Variants in TESPA1 observed in about 807,000 individuals in gnomAD.
The protein encoded by TESPA1 is protein TESPA1.
A neutral mutation model predicts 57.9 loss-of-function variants in TESPA1; 33 were observed. That is an observed-to-expected ratio of 0.57 (90% CI 0.43 to 0.76). TESPA1 has a LOEUF of 0.76. Among genes scored for constraint, TESPA1 ranks in the 30% least tolerant of loss-of-function variants. The pLI is 0.00. For missense variants in TESPA1, 618 were observed against 632.9 expected, an observed-to-expected ratio of 0.98 and a Z score of 0.25; for synonymous variants, 227 against 228.9, an observed-to-expected ratio of 0.99 and a Z score of 0.07.
At chr12:54,968,250 C>T (rs1392812517) in intron 3 of TESPA1, among the ~76,000 whole-genome samples, 1 of 152,164 alleles carries the variant, frequency 6.6e-6, no homozygotes, top group African/African-American at 2.4e-5. Context: ...CAGGCGTTTG[C>T]ATGCCATAAT....
intron 3 of TESPA1, among the ~76,000 whole-genome samples, chr12:54,969,093 T>A (rs7954972): frequency 7.0e-6 from 1 of 141,880 alleles, no homozygotes; most frequent in Non-Finnish European, 1.5e-5. Flanking sequence ...TGCTTGTAAC[T>A]CCTTTCAATA....
At chr12:54,968,926 G>A (rs928036866) in intron 3 of TESPA1, among the ~76,000 whole-genome samples, 3 of 151,450 alleles carry the variant, frequency 2.0e-5, no homozygotes, top group Non-Finnish European at 4.4e-5. Context: ...TCACTTCATG[G>A]CGTGTGTAAC....
At chr12:54,957,431 C>T (rs1463652) in intron 10 of TESPA1, among the ~76,000 whole-genome samples, 80,754 of 152,080 alleles carry the variant, frequency 0.53, 23,771 homozygotes, top group Non-Finnish European at 0.67. Context: ...AATTATCCCA[C>T]TTAGCTCTGC....
chr12:54,979,456 C>G (rs375958180), intron 1 of TESPA1, among the ~76,000 whole-genome samples: 9 of 152,218 alleles, frequency 5.9e-5, no homozygotes, highest in East Asian at 1.9e-4. Context: ...TCATGTCCCC[C>G]CTCTGCTACC....
chr12:54,955,636 T>C (rs1211648688), intron 10 of TESPA1, among the ~76,000 whole-genome samples: 1 of 152,238 alleles, frequency 6.6e-6, no homozygotes, highest in Admixed American at 6.5e-5. Context: ...TGCCTGGCTA[T>C]GTACAAGGGT....
intron 7 of TESPA1, among the ~76,000 whole-genome samples, chr12:54,964,541 A>G (rs1951298680): frequency 1.3e-5 from 2 of 152,232 alleles, no homozygotes; most frequent in African/African-American, 4.8e-5. Context: ...TCTTTATGGT[A>G]TCAACCTGGA....
At chr12:54,981,550 C>A (rs1421114332) in intron 1 of TESPA1, among the ~76,000 whole-genome samples, 1 of 150,960 alleles carries the variant, frequency 6.6e-6, no homozygotes, top group Non-Finnish European at 1.5e-5. Flanking sequence ...TGCACGTGTA[C>A]CCTAGAACTT....
chr12:54,980,626 G>T (rs1052594802), intron 1 of TESPA1, among the ~76,000 whole-genome samples: 6 of 152,188 alleles, frequency 3.9e-5, no homozygotes, highest in Admixed American at 3.9e-4. Flanking sequence ...CTGGTCATGG[G>T]CACTCAGAGG....
At chr12:54,963,378 A>C (rs1951209663) in intron 8 of TESPA1, 136 bp from the exon 9 acceptor site, 3 of 907,246 alleles carry the variant, frequency 3.3e-6, no homozygotes, top group Non-Finnish European at 4.9e-6. Context: ...TCTCCCTTTT[A>C]GATTTCTAAC....
At position 54,974,382 on chromosome 12, in the gene TESPA1, C is replaced by CTGAT; in HGVS notation, c.163+14_163+17dup. 6.3e-7 allele frequency: 1 copy of CTGAT among 1,579,278 alleles called. No individual in the cohort carries two copies. Among genetic ancestry groups the CTGAT allele is most frequent in the Non-Finnish European group, 8.6e-7 (1 of 1,161,918 alleles). On this transcript the variant is annotated intron_variant, in intron 2 of 10. Transcript: ENST00000449076. ...GCCGCCAGACAACATAGACGCCTGT[C>CTGAT]TGATGTTCGTCTCTTACCTTCTTGG...
At chr12:54,963,486 G>A (rs1028511924) in intron 8 of TESPA1, among the ~76,000 whole-genome samples, 6 of 152,194 alleles carry the variant, frequency 3.9e-5, no homozygotes, top group Non-Finnish European at 8.8e-5. Flanking sequence ...TAGACATCAT[G>A]CTGATATGAT....
intron 3 of TESPA1, 109 bp from the exon 4 acceptor site, chr12:54,968,001 A>G (rs952202221): frequency 1.3e-6 from 2 of 1,561,368 alleles, no homozygotes; most frequent in Non-Finnish European, 1.7e-6. Flanking sequence ...GAGAGTCAGT[A>G]GTATTTAATT....
chr12:54,973,946 G>A, intron 2 of TESPA1: 3 of 1,006,144 alleles, frequency 3.0e-6, no homozygotes, highest in Non-Finnish European at 2.4e-6. Flanking sequence ...CCTCAAAGAA[G>A]CTCTGAGAAG....
In TESPA1 at chr12:54,966,475, T is replaced by A. The variant is rs1592370685; in HGVS notation, c.311-51A>T. The A allele has an allele frequency of 1.9e-6, 3 of 1,595,774 alleles. No homozygotes were observed. In the East Asian group the frequency reaches 6.7e-5, roughly 36 times the overall value. The stretch of plus-strand genomic sequence containing the variant: ...AGCAAATTAGAAGGGAAAATGAAAA[T>A]CACCTGTGTTGCCCCTCTGAACCTA... On this transcript the variant is annotated intron_variant, in intron 5 of 10. Transcript: ENST00000449076.
In TESPA1 at chr12:54,962,955, C is replaced by T; in HGVS notation, c.943G>A (p.Val315Ile). 1.2e-6 allele frequency: 2 copies of T among 1,613,674 alleles called. No homozygotes were observed. Among genetic ancestry groups the T allele is most frequent in the South Asian group, 1.1e-5 (1 of 91,056 alleles). ...ACTTTGTCCATCACTTCCAACACAACTTGGTCCAAACTGTTCCTTTTGGGG... is the reference window on the plus strand; with the variant it reads ...ACTTTGTCCATCACTTCCAACACAATTTGGTCCAAACTGTTCCTTTTGGGG... ...NTPKRNSLDQ[V>I]VLEVMDKVKE... The change falls in exon 9 of 11, where the codon GTT (valine) becomes ATT (isoleucine). Residue 315 changes from valine (V) to isoleucine (I), a missense_variant. Physicochemically the swap from Val to Ile is conservative, Grantham distance 29. This residue lies in a region of TESPA1 where 409 missense variants were observed against 420.1 expected (regional missense o/e 0.97). Transcript: ENST00000449076.
chr12:54,967,298 C>T, intron 4 of TESPA1, 62 bp from the exon 5 acceptor site: 1 of 1,556,006 alleles, frequency 6.4e-7, no homozygotes. Flanking sequence ...CATGCACATG[C>T]ACACCCCTGC....
At position 54,950,217 on chromosome 12, in the gene TESPA1, T is replaced by G. The variant is rs1472385950; in HGVS notation, c.*175A>C. 4 of 454,910 alleles carry G rather than the reference T, an allele frequency of 8.8e-6. No homozygotes were observed. The highest frequency in any genetic ancestry group is 1.8e-5 in the Non-Finnish European group (4 of 226,704). 28.2% of individuals were successfully genotyped at this position (454,910 alleles called of 1,614,324 possible). On this transcript the variant is annotated 3_prime_UTR_variant, in exon 11 of 11. Coordinates refer to ENST00000449076, the MANE Select transcript of TESPA1 (RefSeq NM_001136030.3). ...GTGGATTCCAAATCGCTCAGTCTGG[T>G]CTTCCTCCCCATGTACCATGCTGCC... is the stretch of plus-strand genomic sequence containing the variant.
intron 3 of TESPA1, among the ~76,000 whole-genome samples, chr12:54,971,520 A>C (rs1369754685): frequency 6.6e-6 from 1 of 152,188 alleles, no homozygotes; most frequent in Admixed American, 6.5e-5. Flanking sequence ...TTCTGACTCC[A>C]ACAATTCCCC....
intron 1 of TESPA1, among the ~76,000 whole-genome samples, chr12:54,979,156 C>A (rs141447367): frequency 1.1e-4 from 16 of 152,284 alleles, no homozygotes; most frequent in Admixed American, 5.9e-4. Flanking sequence ...AACATAAGGT[C>A]ACCCAAGTCT....
Sources: allele counts gnomAD v4.1 joint callset (sites outside exome capture counted in the v4.1 genomes callset), GRCh38; gene constraint gnomAD v4.1.1; regional missense constraint gnomAD v4.1.1; transcripts MANE v1.5; gene names NCBI Gene and HGNC (gene_info 2026-07-23, HGNC 2026-07-21).